The following NRTN variants were observed in gnomAD, a reference collection of about 807,000 sequenced individuals.
NRTN encodes neurturin.
In NRTN, 3 loss-of-function variants were observed where a neutral mutation model predicts 7.5. The observed-to-expected ratio is 0.40, with a 90% confidence interval of 0.18 to 1.03. The LOEUF (loss-of-function observed/expected upper bound fraction) is 1.03, where lower values mean the gene tolerates loss of function less well. Among genes scored for constraint, NRTN ranks in the 50% least tolerant of loss-of-function variants. The pLI is 0.34. For missense variants in NRTN, 310 were observed against 307.0 expected, an observed-to-expected ratio of 1.01 and a Z score of -0.07; for synonymous variants, 157 against 146.6, an observed-to-expected ratio of 1.07 and a Z score of -0.51.
intron 2 of NRTN, among the ~76,000 whole-genome samples, chr19:5,825,680 G>A (rs571975569): frequency 7.9e-5 from 12 of 152,342 alleles, no homozygotes; most frequent in South Asian, 6.2e-4. Context: ...GCCCATGGGC[G>A]GGTGCCTGTC....
chr19:5,824,265 G>A lies in NRTN; in HGVS notation c.100G>A (p.Gly34Arg), dbSNP rs780072023. 19 of 1,610,948 alleles carry A rather than the reference G, an allele frequency of 1.2e-5. No homozygotes were observed. The highest frequency in any genetic ancestry group is 3.3e-5 in the Admixed American group (2 of 59,836). The change falls in exon 2 of 3, where the codon GGA becomes AGA. Residue 34 changes from glycine to arginine, a missense_variant. Gly to Arg is a moderately radical substitution (Grantham distance 125). Transcript: ENST00000303212. Reference sequence around the variant, plus strand: ...GGGCCTGCTTCTCAGCCACCGCCTCGGACCTGCGCTGGTCCCCCTGCACCG... The same window carrying A: ...GGGCCTGCTTCTCAGCCACCGCCTCAGACCTGCGCTGGTCCCCCTGCACCG... ...REGLLLSHRL[G>R]PALVPLHRLP... is the part of the protein sequence containing the mutation.
intron 2 of NRTN, among the ~76,000 whole-genome samples, 168 bp from the exon 3 acceptor site, chr19:5,827,581 C>T (rs567035865): frequency 6.6e-6 from 1 of 152,116 alleles, no homozygotes; most frequent in East Asian, 1.9e-4. Context: ...GCATGAGCAG[C>T]TCAGCAAGAG....
chr19:5,819,771 T>A (rs1599637360), intron 1 of NRTN, among the ~76,000 whole-genome samples: 1 of 149,178 alleles, frequency 6.7e-6, no homozygotes, highest in East Asian at 2.0e-4. Flanking sequence ...TCACCTGAGC[T>A]GGGTAGGTTG....
intron 1 of NRTN, among the ~76,000 whole-genome samples, chr19:5,821,690 T>A (rs995994236): frequency 6.6e-6 from 1 of 152,144 alleles, no homozygotes; most frequent in Admixed American, 6.6e-5. Flanking sequence ...CTGAACCAGC[T>A]GGGCTGGCCC....
chr19:5,816,845 G>A (rs1370766999), intron 1 of NRTN, among the ~76,000 whole-genome samples: 3 of 152,190 alleles, frequency 2.0e-5, no homozygotes, highest in Non-Finnish European at 2.9e-5. Context: ...AGGTGGAAGC[G>A]TCCAAGTGTG....
At chr19:5,808,945 C>T (rs745329511) in intron 1 of NRTN, among the ~76,000 whole-genome samples, 28 of 151,744 alleles carry the variant, frequency 1.8e-4, no homozygotes, top group African/African-American at 2.2e-4. Context: ...TTAGTAAGGA[C>T]GGGGTTTCAC....
intron 1 of NRTN, among the ~76,000 whole-genome samples, chr19:5,812,114 A>C (rs955514342): frequency 6.7e-6 from 1 of 149,542 alleles, no homozygotes; most frequent in African/African-American, 2.5e-5. Flanking sequence ...CTCGTGATCC[A>C]CCCGCCTCGG....
intron 1 of NRTN, among the ~76,000 whole-genome samples, chr19:5,822,302 T>C (rs897714370): frequency 1.3e-5 from 2 of 152,118 alleles, no homozygotes; most frequent in Non-Finnish European, 2.9e-5. Context: ...GGGAACCCCA[T>C]GAGCCGAGCC....
In NRTN at chr19:5,805,136, C is replaced by G. The variant is rs1458153249; in HGVS notation, c.-714C>G. On this transcript the variant is annotated 5_prime_UTR_variant, in exon 1 of 3. Transcript: ENST00000303212. ...GGTCCCTCTCGCCGCCGCCCCGGAG[C>G]CCCGTGCTGCGCGCCGAGGCCGCCT... 1.4e-5 allele frequency among the ~76,000 whole-genome samples: 2 copies of G among 146,628 alleles called. No homozygotes were observed. The highest frequency in any genetic ancestry group is 4.9e-5 in the African/African-American group (2 of 40,864).
intron 1 of NRTN, among the ~76,000 whole-genome samples, chr19:5,821,620 T>C (rs1324851735): frequency 1.0e-4 from 2 of 19,724 alleles, no homozygotes; most frequent in Non-Finnish European, 1.9e-4. Flanking sequence ...AGCTTCTTTG[T>C]GTTCATTCAT....
rs1435621065 is a variant in NRTN, at chr19:5,828,221, G to A, written c.*48G>A. ...GGCGGCCACTCCCCCCGCCTCGACG[G>A]CACCACTGGCCGGCCCCGCGAAAGA... On this transcript the variant is annotated 3_prime_UTR_variant, in exon 3 of 3. Transcript: ENST00000303212. 2 of 1,523,502 alleles carry A rather than the reference G, an allele frequency of 1.3e-6. No individual in the cohort carries two copies. The highest frequency in any genetic ancestry group is 8.8e-7 in the Non-Finnish European group (1 of 1,140,508). The allele number at this position is 1,523,502 out of a possible 1,614,324, so 94.4% of individuals were successfully genotyped here. A position where few individuals can be genotyped will look rare whatever the true frequency, so the allele number is the denominator to read the frequency against.
At chr19:5,827,545 GC>G (rs945525381) in intron 2 of NRTN, among the ~76,000 whole-genome samples, 3 of 152,046 alleles carry the variant, frequency 2.0e-5, no homozygotes, top group Admixed American at 6.5e-5. Context: ...GTGTGTACGT[GC>G]CCCCCAGTGC....
rs1599639295 is a variant in NRTN at position 5,823,971 on chromosome 19, C to G, written c.-195C>G. ...CCCAGATGGGGGCGGTTCCCTGTGA[C>G]TCCTGGCACGGAGGCCAACCCCTTC... On this transcript the variant is annotated 5_prime_UTR_variant, in exon 2 of 3. Coordinates refer to ENST00000303212, the MANE Select transcript of NRTN (RefSeq NM_004558.5). 3 of 741,062 alleles carry G rather than the reference C, an allele frequency of 4.0e-6. No individual in the cohort carries two copies. Among genetic ancestry groups the G allele is most frequent in the Non-Finnish European group, 6.7e-6 (3 of 447,146 alleles). The allele number at this position is 741,062 out of a possible 1,614,324, so 45.9% of individuals were successfully genotyped here.
Position 5,810,788 on chromosome 19 carries a change from A to G in NRTN, c.-399+5337A>G, listed in dbSNP as rs548889815. Among the ~76,000 whole-genome samples the G allele has an allele frequency of 2.5e-3, 371 of 150,864 alleles. 2 individuals are homozygous for G. Among genetic ancestry groups the G allele is most frequent in the African/African-American group, 8.8e-3 (361 of 41,002 alleles). On this transcript the variant is annotated intron_variant, in intron 1 of 2. Coordinates refer to ENST00000303212, the MANE Select transcript of NRTN (RefSeq NM_004558.5). ...TACTAAAAATACAAAAATTAGCTGG[A>G]CATGGTGGCTCGTGCCTGTAATCCC...
rs936467430 is a variant in NRTN at position 5,805,285 on chromosome 19, G to GA, written c.-565_-564insA. Among the ~76,000 whole-genome samples the GA allele has an allele frequency of 1.4e-5, 2 of 145,772 alleles. No homozygotes were observed. The highest frequency in any genetic ancestry group is 4.9e-5 in the African/African-American group (2 of 40,722). On this transcript the variant is annotated 5_prime_UTR_variant, in exon 1 of 3. Transcript: ENST00000303212. ...AGCCCGCGGCTAAGCGAGCCCGGGG[G>GA]GCCCCATGGGCCGGCCCGCGCCGCA...
chr19:5,824,077 C>T lies in NRTN; in HGVS notation c.-89C>T, dbSNP rs886362094. On this transcript the variant is annotated 5_prime_UTR_variant, in exon 2 of 3. Coordinates refer to ENST00000303212, the MANE Select transcript of NRTN (RefSeq NM_004558.5). The stretch of plus-strand genomic sequence containing the variant: ...GGCGTTCAAAGTCAAAGGCCCCACA[C>T]TGAGTCCTGGCCCAGCGCCCTGTGC... The T allele has an allele frequency of 1.9e-6, 3 of 1,545,694 alleles. No homozygotes were observed. The highest frequency in any genetic ancestry group is 2.2e-5 in the East Asian group (1 of 44,576).
intron 1 of NRTN, among the ~76,000 whole-genome samples, chr19:5,819,531 C>T: frequency 6.6e-6 from 1 of 152,172 alleles, no homozygotes; most frequent in African/African-American, 2.4e-5. Flanking sequence ...GGCGTGGTGG[C>T]ACATGCCTGT....
At chr19:5,823,116 AAG>A (rs1176773311) in intron 1 of NRTN, among the ~76,000 whole-genome samples, 6 of 99,628 alleles carry the variant, frequency 6.0e-5, no homozygotes, top group African/African-American at 1.5e-4. Flanking sequence ...GAAAGAAAGA[AAG>A]AGAAAGAGAG....
At chr19:5,820,737 A>C (rs2057021724) in intron 1 of NRTN, among the ~76,000 whole-genome samples, 2 of 48,510 alleles carry the variant, frequency 4.1e-5, no homozygotes, top group Non-Finnish European at 9.6e-5. Context: ...CTCTGTCTCA[A>C]GAAAAAAAAA....
Sources: allele counts gnomAD v4.1 joint callset (sites outside exome capture counted in the v4.1 genomes callset), GRCh38; gene constraint gnomAD v4.1.1; transcripts MANE v1.5; gene names NCBI Gene and HGNC (gene_info 2026-07-23, HGNC 2026-07-21).